NEGR1: variants seen among roughly 807,000 people sequenced by gnomAD.
NEGR1 encodes IgLON family member 4.
A neutral mutation model predicts 40.9 loss-of-function variants in NEGR1; 10 were observed. That is an observed-to-expected ratio of 0.24 (90% CI 0.15 to 0.42). The LOEUF (loss-of-function observed/expected upper bound fraction) is 0.42. Among genes scored for constraint, NEGR1 ranks in the 10% least tolerant of loss-of-function variants. The probability of loss-of-function intolerance (pLI) is 1.00; values close to 1 mark genes in which losing one functional copy is unlikely to be tolerated. For synonymous variants in NEGR1, 185 were observed against 166.8 expected (o/e 1.11, Z -0.84); for missense variants, 352 against 438.9 (o/e 0.80, Z 1.77).
chr1:72,096,283 A>G (rs950334829), intron 1 of NEGR1, among the ~76,000 whole-genome samples: 2 of 152,184 alleles, frequency 1.3e-5, no homozygotes, highest in African/African-American at 4.8e-5. Context: ...TAGAATTTGC[A>G]TAAACCAAAA....
At chr1:72,110,043 A>G (rs74397283) in intron 1 of NEGR1, among the ~76,000 whole-genome samples, 1,795 of 151,644 alleles carry the variant, frequency 0.012, 40 homozygotes, top group African/African-American at 0.041. Flanking sequence ...GAAAACTTTT[A>G]GAACTTGTCC....
chr1:71,977,106 T>C (rs1054026750), intron 1 of NEGR1, among the ~76,000 whole-genome samples: 2 of 152,260 alleles, frequency 1.3e-5, no homozygotes, highest in Admixed American at 1.3e-4. Flanking sequence ...GTGGACTGTC[T>C]GAGGTCAGGA....
chr1:71,800,767 T>C (rs1475623607), intron 2 of NEGR1, among the ~76,000 whole-genome samples: 2 of 152,050 alleles, frequency 1.3e-5, no homozygotes, highest in Admixed American at 6.6e-5. Flanking sequence ...TCACTAATCC[T>C]CCCATTCTCT....
chr1:72,278,023 T>C (rs1252936757), intron 1 of NEGR1, among the ~76,000 whole-genome samples: 2 of 152,114 alleles, frequency 1.3e-5, no homozygotes, highest in Admixed American at 1.3e-4. Flanking sequence ...TGTGAACAAA[T>C]AGGATAAGCA....
At chr1:71,911,999 C>CT (rs1389351707) in intron 2 of NEGR1, among the ~76,000 whole-genome samples, 1 of 152,042 alleles carries the variant, frequency 6.6e-6, no homozygotes, top group African/African-American at 2.4e-5. Flanking sequence ...AGAATGTACC[C>CT]TGGTGTCTGG....
chr1:71,921,947 A>G (rs1197015711), intron 2 of NEGR1, among the ~76,000 whole-genome samples: 1 of 151,964 alleles, frequency 6.6e-6, no homozygotes, highest in African/African-American at 2.4e-5. Context: ...GTATTTCAAA[A>G]AAAGGATGGT....
intron 1 of NEGR1, among the ~76,000 whole-genome samples, chr1:72,273,620 G>C (rs2051062): frequency 6.6e-6 from 1 of 151,780 alleles, no homozygotes; most frequent in South Asian, 2.1e-4. Flanking sequence ...ACACAAAATA[G>C]AAGTTAATCA....
At chr1:71,909,812 G>A (rs1363837842) in intron 2 of NEGR1, among the ~76,000 whole-genome samples, 1 of 152,148 alleles carries the variant, frequency 6.6e-6, no homozygotes, top group Non-Finnish European at 1.5e-5. Flanking sequence ...CATTAATATT[G>A]AGGAGATGTT....
chr1:71,841,624 G>C (rs1011169958), intron 2 of NEGR1, among the ~76,000 whole-genome samples: 2 of 152,154 alleles, frequency 1.3e-5, no homozygotes, highest in African/African-American at 4.8e-5. Flanking sequence ...CTGGTGGAAA[G>C]ATTAGGTAGC....
chr1:72,196,300 C>A (rs1052568485), intron 1 of NEGR1, among the ~76,000 whole-genome samples: 1 of 151,986 alleles, frequency 6.6e-6, no homozygotes, highest in Non-Finnish European at 1.5e-5. Context: ...TCTGAAAAAA[C>A]TCTAAATAAA....
At chr1:72,199,965 C>T (rs1433205111) in intron 1 of NEGR1, among the ~76,000 whole-genome samples, 1 of 151,846 alleles carries the variant, frequency 6.6e-6, no homozygotes, top group African/African-American at 2.4e-5. Context: ...CAAATCAAAA[C>T]CACAATGAGA....
intron 3 of NEGR1, among the ~76,000 whole-genome samples, chr1:71,763,376 A>G (rs572526969): frequency 2.4e-4 from 36 of 152,276 alleles, no homozygotes; most frequent in African/African-American, 8.4e-4. Flanking sequence ...ACTAGAGAAG[A>G]TCTGTTCATC....
chr1:71,641,594 C>T (rs1489999098), intron 4 of NEGR1, among the ~76,000 whole-genome samples: 3 of 151,968 alleles, frequency 2.0e-5, no homozygotes, highest in African/African-American at 7.2e-5. Flanking sequence ...AATCTCCAGA[C>T]TGTCAAAGGA....
At chr1:72,164,373 T>C (rs1332475319) in intron 1 of NEGR1, among the ~76,000 whole-genome samples, 1 of 151,986 alleles carries the variant, frequency 6.6e-6, no homozygotes, top group African/African-American at 2.4e-5. Context: ...TGCTATCTGT[T>C]TAGCAAGTCT....
chr1:72,282,393 A>C lies in NEGR1; in HGVS notation c.102T>G (p.Ala34=), dbSNP rs1347088059. The C allele has an allele frequency of 2.5e-6, 4 of 1,613,842 alleles. No individual in the cohort carries two copies. Among genetic ancestry groups the C allele is most frequent in the Non-Finnish European group, 3.4e-6 (4 of 1,179,964 alleles). Residue 34 remains alanine (A), a synonymous_variant, in exon 1 of 7, where the codon GCT becomes GCG. Transcript: ENST00000357731. ...CCCAGGGGAAGTCCACACTCTGTCC[A>C]GCCGGGAGGCAGGAGGGTAGCAGGC... The part of the protein sequence containing the change: ...LCCLLPSCLP[A]GQSVDFPWAA...
intron 5 of NEGR1, among the ~76,000 whole-genome samples, chr1:71,606,512 T>C (rs1650080880): frequency 6.6e-6 from 1 of 152,206 alleles, no homozygotes; most frequent in Non-Finnish European, 1.5e-5. Context: ...AGTTTTGGGT[T>C]AATTTGTTAC....
chr1:71,478,243 A>C (rs1202478871), intron 6 of NEGR1, among the ~76,000 whole-genome samples: 2 of 152,042 alleles, frequency 1.3e-5, no homozygotes, highest in Non-Finnish European at 2.9e-5. Flanking sequence ...TAAATGCTAA[A>C]CATAGTATTC....
At chr1:71,857,421 G>A (rs933330697) in intron 2 of NEGR1, among the ~76,000 whole-genome samples, 9 of 133,298 alleles carry the variant, frequency 6.8e-5, no homozygotes, top group African/African-American at 2.6e-4. Flanking sequence ...AGACCAACCT[G>A]AGCAATATAG....
intron 1 of NEGR1, among the ~76,000 whole-genome samples, chr1:72,241,990 G>C (rs1230626434): frequency 2.0e-5 from 3 of 151,506 alleles, no homozygotes; most frequent in South Asian, 2.1e-4. Flanking sequence ...TTTGAAACCT[G>C]TATCTGCTTT....
Sources: allele counts gnomAD v4.1 joint callset (sites outside exome capture counted in the v4.1 genomes callset), GRCh38; gene constraint gnomAD v4.1.1; transcripts MANE v1.5; gene names NCBI Gene and HGNC (gene_info 2026-07-23, HGNC 2026-07-21).